POFUT3: variants seen among roughly 807,000 people sequenced by gnomAD.
POFUT3 encodes the protein protein O-fucosyltransferase 3.
At chr8:33,352,739 T>A in the POFUT3 span, among the ~76,000 whole-genome samples, 48 of 152,308 alleles carry the variant, frequency 3.2e-4, no homozygotes, top group Non-Finnish European at 5.9e-4. Context: ...CATGTCTCTC[T>A]TTTCTTTGTT....
chr8:33,332,257 G>A, the POFUT3 span, among the ~76,000 whole-genome samples: 1 of 151,454 alleles, frequency 6.6e-6, no homozygotes, highest in Non-Finnish European at 1.5e-5. Flanking sequence ...GCCGAGGCGG[G>A]CAGATTATTT....
chr8:33,343,747 T>C, the POFUT3 span, among the ~76,000 whole-genome samples: 2 of 152,228 alleles, frequency 1.3e-5, no homozygotes, highest in African/African-American at 4.8e-5. Context: ...CCTAGAAAAA[T>C]GGGAGATGAA....
the POFUT3 span, among the ~76,000 whole-genome samples, chr8:33,337,832 T>C: frequency 1.3e-5 from 2 of 152,238 alleles, no homozygotes; most frequent in Non-Finnish European, 2.9e-5. Context: ...TGGAAAATTA[T>C]GTTTCCACAG....
At chr8:33,363,512 T>C in the POFUT3 span, among the ~76,000 whole-genome samples, 1 of 152,046 alleles carries the variant, frequency 6.6e-6, no homozygotes, top group Admixed American at 6.6e-5. Flanking sequence ...ACAAAATTGA[T>C]AGACTGCTAG....
chr8:33,458,245 C>T, the POFUT3 span, among the ~76,000 whole-genome samples: 1 of 144,000 alleles, frequency 6.9e-6, no homozygotes, highest in Non-Finnish European at 1.5e-5. Flanking sequence ...TCTTGGACTT[C>T]CCAGTCTCCT....
At chr8:33,358,087 T>C in the POFUT3 span, among the ~76,000 whole-genome samples, 1 of 151,834 alleles carries the variant, frequency 6.6e-6, no homozygotes, top group Non-Finnish European at 1.5e-5. Context: ...TCTCTCTATA[T>C]AAAAAATACA....
chr8:33,362,294 G>A, the POFUT3 span, among the ~76,000 whole-genome samples: 47 of 151,922 alleles, frequency 3.1e-4, no homozygotes, highest in Non-Finnish European at 4.9e-4. Flanking sequence ...GAAACAACCC[G>A]TACAAGCCAC....
chr8:33,334,278 C>T, the POFUT3 span, among the ~76,000 whole-genome samples: 1 of 152,016 alleles, frequency 6.6e-6, no homozygotes, highest in African/African-American at 2.4e-5. Flanking sequence ...AGTACACTGG[C>T]ATGATCTTGG....
At chr8:33,395,166 G>A in the POFUT3 span, among the ~76,000 whole-genome samples, 3 of 152,244 alleles carry the variant, frequency 2.0e-5, no homozygotes, top group Admixed American at 1.3e-4. Flanking sequence ...AGAGGGTGGG[G>A]TCCCTGGCAA....
At chr8:33,363,269 A>G in the POFUT3 span, among the ~76,000 whole-genome samples, 2 of 152,132 alleles carry the variant, frequency 1.3e-5, no homozygotes, top group Admixed American at 6.6e-5. Flanking sequence ...CATTTAAAGC[A>G]GTGTGTAGAG....
chr8:33,316,765 A>G, the POFUT3 span, among the ~76,000 whole-genome samples: 1 of 150,906 alleles, frequency 6.6e-6, no homozygotes, highest in African/African-American at 2.4e-5. Context: ...AAGGAAAGGA[A>G]CAGCAAAAAT....
At chr8:33,425,005 C>T in the POFUT3 span, among the ~76,000 whole-genome samples, 1 of 152,164 alleles carries the variant, frequency 6.6e-6, no homozygotes, top group South Asian at 2.1e-4. Flanking sequence ...ATTAAATAAT[C>T]TTATTAGTAA....
At chr8:33,344,476 G>A in the POFUT3 span, among the ~76,000 whole-genome samples, 1 of 152,234 alleles carries the variant, frequency 6.6e-6, no homozygotes, top group African/African-American at 2.4e-5. Context: ...AGTGAAACTT[G>A]TGATAACAGC....
chr8:33,319,692 T>C, the POFUT3 span, among the ~76,000 whole-genome samples: 1 of 36,556 alleles, frequency 2.7e-5, no homozygotes, highest in African/African-American at 1.0e-4. Context: ...ATTATATAAA[T>C]ATATATATTT....
chr8:33,330,852 C>T, the POFUT3 span, among the ~76,000 whole-genome samples: 4 of 151,814 alleles, frequency 2.6e-5, no homozygotes, highest in Non-Finnish European at 5.9e-5. Context: ...CACATCTCTG[C>T]GTCTGTGGTT....
At chr8:33,327,371 T>C in the POFUT3 span, among the ~76,000 whole-genome samples, 40,655 of 152,082 alleles carry the variant, frequency 0.27, 5,866 homozygotes, top group South Asian at 0.5. Context: ...TCTAAGTATA[T>C]GTCTCCCTGC....
chr8:33,409,576 T>TC, the POFUT3 span, among the ~76,000 whole-genome samples: 4 of 152,198 alleles, frequency 2.6e-5, no homozygotes, highest in Admixed American at 6.5e-5. Context: ...CAGCTAATGT[T>TC]CCCCCATTTC....
chr8:33,402,688 C>A, the POFUT3 span, among the ~76,000 whole-genome samples: 1 of 152,034 alleles, frequency 6.6e-6, no homozygotes, highest in African/African-American at 2.4e-5. Flanking sequence ...TGCAACTCTC[C>A]GATGGCAGTA....
the POFUT3 span, among the ~76,000 whole-genome samples, chr8:33,310,249 A>C: frequency 6.8e-6 from 1 of 147,352 alleles, no homozygotes; most frequent in African/African-American, 2.6e-5. Flanking sequence ...GGTAACTCAG[A>C]ATTACTACCA....
Sources: gnomAD v4.1 joint callset for allele counts (sites outside exome capture counted in the v4.1 genomes callset) on GRCh38, gnomAD v4.1.1 for gene constraint, MANE v1.5 for transcripts, NCBI Gene and HGNC (gene_info 2026-07-23, HGNC 2026-07-21) for gene names.